Variants in PALM2AKAP2 observed in about 807,000 individuals in gnomAD.
The protein encoded by PALM2AKAP2 is PALM2 and AKAP2 fusion.
PALM2AKAP2 carries 37 observed loss-of-function variants against 71.5 expected under a neutral mutation model. That is an observed-to-expected ratio of 0.52 (90% CI 0.40 to 0.68). The LOEUF (loss-of-function observed/expected upper bound fraction) is 0.68, where lower values mean the gene tolerates loss of function less well. Among genes scored for constraint, PALM2AKAP2 ranks in the 30% least tolerant of loss-of-function variants. The pLI, the probability that PALM2AKAP2 is intolerant of heterozygous loss-of-function variation, is 0.00. For synonymous variants in PALM2AKAP2, 468 were observed against 478.8 expected, an observed-to-expected ratio of 0.98 and a Z score of 0.29; for missense variants, 1,224 against 1,191.8, an observed-to-expected ratio of 1.03 and a Z score of -0.40.
intron 6 of PALM2AKAP2, among the ~76,000 whole-genome samples, chr9:109,950,711 C>T (rs930453569): frequency 2.0e-5 from 3 of 152,216 alleles, no homozygotes; most frequent in Non-Finnish European, 2.9e-5. Flanking sequence ...CCATGCAAAT[C>T]GCTTAAATTC....
In PALM2AKAP2 at chr9:109,745,383, A is replaced by G. The variant is rs1039745444; in HGVS notation, c.6-35105A>G. ...AAAAAAAAATAAAAATAAGGCTCAT[A>G]GTTCCAGGCTCTCATTTCTTCTGAG... is the stretch of plus-strand genomic sequence containing the variant. On this transcript the variant is annotated intron_variant, in intron 1 of 6. Coordinates refer to the PALM2AKAP2 transcript ENST00000374531. 3.9e-5 allele frequency among the ~76,000 whole-genome samples: 6 copies of G among 152,246 alleles called. No homozygotes were observed. The South Asian group carries it at 8.3e-4, about 21-fold the overall frequency.
At chr9:110,118,430 T>C (rs1454772433) in intron 1 of PALM2AKAP2, among the ~76,000 whole-genome samples, 1 of 152,022 alleles carries the variant, frequency 6.6e-6, no homozygotes, top group Non-Finnish European at 1.5e-5. Context: ...GTATTTTTAG[T>C]AGAGACAGGA....
At chr9:109,847,914 T>G (rs1221081314) in intron 1 of PALM2AKAP2, among the ~76,000 whole-genome samples, 1 of 152,208 alleles carries the variant, frequency 6.6e-6, no homozygotes, top group Non-Finnish European at 1.5e-5. Flanking sequence ...TTTTTATAAG[T>G]AAGTCCACCT....
intron 1 of PALM2AKAP2, among the ~76,000 whole-genome samples, chr9:109,715,054 G>C (rs1214484506): frequency 1.3e-5 from 2 of 152,108 alleles, no homozygotes; most frequent in Non-Finnish European, 2.9e-5. Context: ...CCCTGCAACA[G>C]CATCCAAAGT....
At chr9:109,789,302 C>T (rs1475280802) in intron 1 of PALM2AKAP2, among the ~76,000 whole-genome samples, 1 of 152,142 alleles carries the variant, frequency 6.6e-6, no homozygotes, top group African/African-American at 2.4e-5. Flanking sequence ...GCCTGGTGGC[C>T]CCTTCTCCAG....
At chr9:109,920,791 A>C (rs1830811231) in intron 3 of PALM2AKAP2, among the ~76,000 whole-genome samples, 1 of 141,074 alleles carries the variant, frequency 7.1e-6, no homozygotes, top group African/African-American at 2.6e-5. Context: ...CTGTAATCAC[A>C]CCTCAAATAA....
intron 6 of PALM2AKAP2, among the ~76,000 whole-genome samples, chr9:110,009,904 A>T (rs1832849911): frequency 6.6e-6 from 1 of 151,756 alleles, no homozygotes; most frequent in African/African-American, 2.4e-5. Context: ...CCTCACATGC[A>T]CTCTTCCCAA....
At chr9:109,940,830 G>A (rs920314504) in intron 6 of PALM2AKAP2, among the ~76,000 whole-genome samples, 4 of 152,180 alleles carry the variant, frequency 2.6e-5, no homozygotes, top group African/African-American at 9.7e-5. Flanking sequence ...ACATCCTGAA[G>A]GGAACTATAT....
At chr9:110,146,851 C>CGAGAT (rs1564333900) in intron 2 of PALM2AKAP2, among the ~76,000 whole-genome samples, 1 of 152,068 alleles carries the variant, frequency 6.6e-6, no homozygotes, top group African/African-American at 2.4e-5. Context: ...GTTCTTGTAA[C>CGAGAT]GAGATTTTCT....
Position 110,036,676 on chromosome 9 carries a change from G to T in PALM2AKAP2, c.582+20637G>T, listed in dbSNP as rs184021321. 9.7e-4 allele frequency among the ~76,000 whole-genome samples: 147 copies of T among 152,124 alleles called. 1 individual carries two copies. The highest frequency in any genetic ancestry group is 3.4e-3 in the African/African-American group (141 of 41,506). ...TGCAGTGGCTTCTCATCTTATTCAGGAAAATAGGTAATCCAAAGTGCTTAT... is the reference window on the plus strand; with the variant it reads ...TGCAGTGGCTTCTCATCTTATTCAGTAAAATAGGTAATCCAAAGTGCTTAT... On this transcript the variant is annotated intron_variant, in intron 7 of 9. Coordinates refer to the PALM2AKAP2 transcript ENST00000302798.
At chr9:109,679,930 G>T (rs1470554780) in intron 1 of PALM2AKAP2, among the ~76,000 whole-genome samples, 4 of 152,174 alleles carry the variant, frequency 2.6e-5, no homozygotes, top group Admixed American at 6.5e-5. Flanking sequence ...TTAGCTGTGT[G>T]ACTTGGTAAA....
At chr9:109,806,165 A>C (rs923796995) in intron 1 of PALM2AKAP2, among the ~76,000 whole-genome samples, 11 of 152,248 alleles carry the variant, frequency 7.2e-5, no homozygotes, top group African/African-American at 2.7e-4. Flanking sequence ...AAGGTGGTAT[A>C]AGTTCTATCT....
intron 3 of PALM2AKAP2, among the ~76,000 whole-genome samples, chr9:109,898,202 C>T (rs1830248029): frequency 1.3e-5 from 2 of 152,270 alleles, no homozygotes; most frequent in Middle Eastern, 6.8e-3. Context: ...AGCAGTGGTA[C>T]CCTATTCACC....
chr9:109,933,928 A>C (rs1163207240), intron 6 of PALM2AKAP2, among the ~76,000 whole-genome samples: 2 of 152,328 alleles, frequency 1.3e-5, no homozygotes, highest in East Asian at 3.9e-4. Flanking sequence ...CTTACCAACC[A>C]AGGGTACTCA....
rs748032424 is a variant in PALM2AKAP2, at chr9:110,048,787, G to A, written c.88G>A (p.Ala30Thr). ...GTCTCCTGGACCCCCGGAGCGGGAG[G>A]CAGCGGCCGCGCGGCGCTGGACTGG... Residue 30 changes from alanine (A) to threonine (T), a missense_variant, in exon 1 of 4, where the codon GCA becomes ACA. Ala to Thr is a moderately conservative substitution (Grantham distance 58). Coordinates refer to ENST00000374525, the Ensembl canonical transcript of PALM2AKAP2. 10 of 1,534,382 alleles carry A rather than the reference G, an allele frequency of 6.5e-6. No individual in the cohort carries two copies. The African/African-American group carries it at 8.2e-5, about 13-fold the overall frequency.
chr9:109,917,484 C>CTTTTTT (rs59106508), intron 3 of PALM2AKAP2, among the ~76,000 whole-genome samples: 8 of 111,428 alleles, frequency 7.2e-5, no homozygotes, highest in East Asian at 2.7e-4. Flanking sequence ...CGCTCCTTTC[C>CTTTTTT]TTTTTTTTTT....
chr9:110,025,473 G>T, intron 7 of PALM2AKAP2: 1 of 626,694 alleles, frequency 1.6e-6, no homozygotes. Context: ...AAGTATTCTT[G>T]CTATGAATAG....
intron 6 of PALM2AKAP2, among the ~76,000 whole-genome samples, chr9:109,984,616 G>A (rs1339477136): frequency 1.3e-5 from 2 of 152,128 alleles, no homozygotes; most frequent in Non-Finnish European, 2.9e-5. Context: ...CAGCACTTTG[G>A]GAGGCCAAGG....
At chr9:109,933,099 T>G (rs1004433037) in intron 6 of PALM2AKAP2, among the ~76,000 whole-genome samples, 1 of 152,266 alleles carries the variant, frequency 6.6e-6, no homozygotes, top group African/African-American at 2.4e-5. Flanking sequence ...ATTACTTTTA[T>G]GTACAGACTC....
Sources: allele counts gnomAD v4.1 joint callset (sites outside exome capture counted in the v4.1 genomes callset), GRCh38; gene constraint gnomAD v4.1.1; transcripts MANE v1.5; gene names NCBI Gene and HGNC (gene_info 2026-07-23, HGNC 2026-07-21).